Variants in OSMR observed in about 807,000 individuals in gnomAD.
OSMR encodes the protein oncostatin-M-specific receptor subunit beta.
In OSMR, 81 loss-of-function variants were observed where a neutral mutation model predicts 99.9. That is an observed-to-expected ratio of 0.81 (90% CI 0.68 to 0.97). The LOEUF is 0.97. Ranked by LOEUF, OSMR falls within the 50% of genes least tolerant of loss-of-function variation. The pLI is 0.00. For missense variants in OSMR, 1,099 were observed against 1,153.4 expected (o/e 0.95, Z 0.68); for synonymous variants, 406 against 410.4 (o/e 0.99, Z 0.13).
At chr5:38,926,518 A>G (rs1746481936) in intron 15 of OSMR, among the ~76,000 whole-genome samples, 1 of 152,222 alleles carries the variant, frequency 6.6e-6, no homozygotes, top group Non-Finnish European at 1.5e-5. Context: ...AGAGAAGTGA[A>G]GTGCTGAGCA....
chr5:38,926,933 G>A (rs1483067243), intron 15 of OSMR, among the ~76,000 whole-genome samples: 2 of 152,142 alleles, frequency 1.3e-5, no homozygotes, highest in East Asian at 1.9e-4. Flanking sequence ...ACAGGCATTG[G>A]GTACATACAC....
downstream of OSMR, among the ~76,000 whole-genome samples, chr5:38,935,932 A>G (rs189177233): frequency 4.9e-4 from 75 of 152,338 alleles, no homozygotes; most frequent in African/African-American, 1.6e-3. Context: ...TTGTCTTCAT[A>G]GTATCACTAT....
chr5:38,885,491 T>C lies in OSMR; in HGVS notation c.839+7T>C. On this transcript the variant is annotated splice_region_variant and intron_variant, in intron 6 of 17. Coordinates refer to ENST00000274276, the MANE Select transcript of OSMR (RefSeq NM_003999.3). ...GCTACACTTTATTTGAATCGTAAGT[T>C]GGCTCTGGTTACATTATTGACAACT... is the stretch of plus-strand genomic sequence containing the variant. The C allele has an allele frequency of 6.2e-7, 1 of 1,614,022 alleles. No individual in the cohort carries two copies. The highest frequency in any genetic ancestry group is 1.1e-5 in the South Asian group (1 of 91,072).
chr5:38,860,103 A>G lies in OSMR; in HGVS notation c.-13-8929A>G, dbSNP rs558205968. Among the ~76,000 whole-genome samples the G allele has an allele frequency of 7.2e-5, 11 of 152,266 alleles. No homozygotes were observed. In the South Asian group the frequency reaches 1.7e-3, roughly 23 times the overall value. ...TGCTTTAGCTAAGACTTCCAGTACTATGTTGAATATGAGTTGTAAAATTGG... is the reference window on the plus strand; with the variant it reads ...TGCTTTAGCTAAGACTTCCAGTACTGTGTTGAATATGAGTTGTAAAATTGG... On this transcript the variant is annotated intron_variant, in intron 1 of 17. Coordinates refer to ENST00000274276, the MANE Select transcript of OSMR (RefSeq NM_003999.3).
chr5:38,862,314 C>G (rs2937444), intron 1 of OSMR, among the ~76,000 whole-genome samples: 1 of 45,084 alleles, frequency 2.2e-5, no homozygotes, highest in Non-Finnish European at 4.6e-5. Context: ...ACCTCCCTCC[C>G]GGACGGGGTG....
intron 1 of OSMR, among the ~76,000 whole-genome samples, chr5:38,867,281 A>G (rs1168751718): frequency 6.6e-6 from 1 of 152,214 alleles, no homozygotes; most frequent in African/African-American, 2.4e-5. Flanking sequence ...AGCTATAGAC[A>G]GGTCTGACCA....
intron 1 of OSMR, chr5:38,940,706 A>G: frequency 4.3e-6 from 1 of 232,814 alleles, no homozygotes. Flanking sequence ...GCAGTCAAAG[A>G]GGTGTTATGA....
intron 2 of OSMR, chr5:38,944,450 A>G (rs1441578816): frequency 6.3e-7 from 1 of 1,598,864 alleles, no homozygotes; most frequent in Admixed American, 1.8e-5. Flanking sequence ...ACTCACGTTA[A>G]AAGCCCAGTC....
chr5:38,849,288 G>C (rs1414028020), intron 1 of OSMR, among the ~76,000 whole-genome samples: 2 of 152,198 alleles, frequency 1.3e-5, no homozygotes, highest in Non-Finnish European at 2.9e-5. Context: ...ATACGAAGTG[G>C]AAGGTAACGA....
At chr5:38,938,026 CAAG>C (rs2112736764), downstream of OSMR, 1 of 201,530 alleles carries the variant, frequency 5.0e-6, no homozygotes, top group South Asian at 1.9e-4. Flanking sequence ...TATACAAAAA[CAAG>C]AAAATCACAA....
At position 38,882,110 on chromosome 5, in the gene OSMR, G is replaced by A. The variant is rs533384592; in HGVS notation, c.418+346G>A. Among the ~76,000 whole-genome samples the A allele has an allele frequency of 3.9e-5, 6 of 152,328 alleles. No individual in the cohort carries two copies. The East Asian group carries it at 7.7e-4, about 20-fold the overall frequency. ...TTTGAGCAACACAAAATGTGTATGC[G>A]TCTAGAGTAGAGGTTGGGAACATTT... On this transcript the variant is annotated intron_variant, in intron 4 of 17. Coordinates refer to ENST00000274276, the MANE Select transcript of OSMR (RefSeq NM_003999.3).
intron 10 of OSMR, 72 bp from the exon 11 acceptor site, chr5:38,918,768 G>A: frequency 6.3e-7 from 1 of 1,582,910 alleles, no homozygotes; most frequent in East Asian, 2.3e-5. Flanking sequence ...GGACAGAAAA[G>A]ATGAAAAAGG....
chr5:38,848,942 T>G (rs1490840186), intron 1 of OSMR, among the ~76,000 whole-genome samples: 2 of 152,076 alleles, frequency 1.3e-5, no homozygotes, highest in African/African-American at 4.8e-5. Flanking sequence ...CCTGACTTTT[T>G]TTTTTTTGTA....
intron 6 of OSMR, 104 bp downstream of exon 6, chr5:38,885,588 A>C (rs1743662421): frequency 6.9e-7 from 1 of 1,449,998 alleles, no homozygotes; most frequent in Admixed American, 1.7e-5. Context: ...AATTTGAACA[A>C]ATATTTCAGA....
intron 7 of OSMR, among the ~76,000 whole-genome samples, chr5:38,895,185 G>A (rs1744427442): frequency 6.6e-6 from 1 of 151,870 alleles, no homozygotes; most frequent in Non-Finnish European, 1.5e-5. Context: ...CACACCTAGA[G>A]AAACTAGAAA....
chr5:38,859,506 G>A (rs1411981739), intron 1 of OSMR, among the ~76,000 whole-genome samples: 1 of 152,094 alleles, frequency 6.6e-6, no homozygotes, highest in Admixed American at 6.6e-5. Context: ...CTGTAGTTTT[G>A]TAGTATATTT....
At position 38,885,161 on chromosome 5, in the gene OSMR, G is replaced by T. The variant is rs139130461; in HGVS notation, c.704-188G>T. The T allele has an allele frequency of 1.3e-3, 1,274 of 984,826 alleles. 7 individuals are homozygous for T. Among genetic ancestry groups the T allele is most frequent in the South Asian group, 3.7e-3 (79 of 21,268 alleles). The allele number at this position is 984,826 out of a possible 1,614,324, so 61.0% of individuals were successfully genotyped here. On this transcript the variant is annotated intron_variant, in intron 5 of 17. Coordinates refer to ENST00000274276, the MANE Select transcript of OSMR (RefSeq NM_003999.3). ...CAGAAAATCACAAGGGCAGGAAGGAGAAGGGGCCAAGATGAGGTGACCCCT... is the reference window on the plus strand; with the variant it reads ...CAGAAAATCACAAGGGCAGGAAGGATAAGGGGCCAAGATGAGGTGACCCCT...
At chr5:38,919,171 G>A (rs751054914) in intron 11 of OSMR, 109 bp downstream of exon 11, 6 of 1,547,124 alleles carry the variant, frequency 3.9e-6, no homozygotes, top group Non-Finnish European at 5.2e-6. Flanking sequence ...AAGACAAAAT[G>A]TCTAGTCACT....
At chr5:38,876,051 T>C (rs1742801826) in intron 2 of OSMR, 150 bp from the exon 3 acceptor site, 3 of 1,107,590 alleles carry the variant, frequency 2.7e-6, no homozygotes, top group Admixed American at 3.1e-5. Context: ...TAAATTCTCT[T>C]CCAGATTTCC....
Sources: gnomAD v4.1 joint callset for allele counts (sites outside exome capture counted in the v4.1 genomes callset) on GRCh38, gnomAD v4.1.1 for gene constraint, MANE v1.5 for transcripts, NCBI Gene and HGNC (gene_info 2026-07-23, HGNC 2026-07-21) for gene names.